Variants in ROBO2 observed in about 807,000 individuals in gnomAD.
The protein encoded by ROBO2 is roundabout homolog 2.
A neutral mutation model predicts 160.8 loss-of-function variants in ROBO2; 53 were observed. The observed-to-expected ratio is 0.33, with a 90% CI of 0.26 to 0.41. ROBO2 has a LOEUF of 0.41. Among genes scored for constraint, ROBO2 ranks in the 10% least tolerant of loss-of-function variants. The probability of loss-of-function intolerance (pLI) is 1.00; values close to 1 mark genes in which losing one functional copy is unlikely to be tolerated. For synonymous variants in ROBO2, 664 were observed against 611.7 expected (o/e 1.09, Z -1.26); for missense variants, 1,577 against 1,722.4 (o/e 0.92, Z 1.49).
chr3:77,613,157 T>G lies in ROBO2; in HGVS notation c.3294-4356T>G, dbSNP rs191754794. On this transcript the variant is annotated intron_variant, in intron 21 of 25. Transcript: ENST00000461745. The stretch of plus-strand genomic sequence containing the variant: ...ATTGAGTACACCAAATTATAACTTT[T>G]CTTATGTTTTCTTAGCACATGATGC... 1.4e-4 allele frequency among the ~76,000 whole-genome samples: 22 copies of G among 152,228 alleles called. No individual in the cohort carries two copies. In the East Asian group the frequency reaches 3.9e-3, roughly 27 times the overall value.
intron 1 of ROBO2, among the ~76,000 whole-genome samples, chr3:77,085,227 G>A (rs1283422258): frequency 1.3e-5 from 2 of 152,040 alleles, no homozygotes; most frequent in Non-Finnish European, 2.9e-5. Flanking sequence ...TAAAACTGGA[G>A]AAAATGTTTT....
intron 2 of ROBO2, among the ~76,000 whole-genome samples, chr3:76,303,602 ACT>A (rs2107748295): frequency 2.1e-5 from 1 of 47,208 alleles, no homozygotes; most frequent in East Asian, 2.8e-4. Flanking sequence ...ATTTTGAACT[ACT>A]CTTCAAAAAA....
At chr3:76,549,278 T>C (rs992049713) in intron 2 of ROBO2, among the ~76,000 whole-genome samples, 1 of 152,318 alleles carries the variant, frequency 6.6e-6, no homozygotes, top group South Asian at 2.1e-4. Context: ...AATGTGAATA[T>C]GAACTCTTTT....
chr3:77,268,508 G>A (rs1192652549), intron 2 of ROBO2, among the ~76,000 whole-genome samples: 1 of 152,150 alleles, frequency 6.6e-6, no homozygotes, highest in Non-Finnish European at 1.5e-5. Flanking sequence ...AAGAGTTTAG[G>A]ACACCAAGAC....
intron 6 of ROBO2, among the ~76,000 whole-genome samples, chr3:77,541,117 A>G (rs1286847426): frequency 6.6e-6 from 1 of 152,210 alleles, no homozygotes; most frequent in Non-Finnish European, 1.5e-5. Context: ...TTCAGGCATA[A>G]AATTATATCC....
intron 22 of ROBO2, among the ~76,000 whole-genome samples, chr3:77,621,722 C>G (rs925336480): frequency 6.6e-6 from 1 of 151,972 alleles, no homozygotes; most frequent in African/African-American, 2.4e-5. Flanking sequence ...TGAGAGAGAT[C>G]GTGTGGGGAG....
intron 2 of ROBO2, among the ~76,000 whole-genome samples, chr3:77,284,506 T>A (rs62249726): frequency 0.014 from 2,154 of 152,296 alleles, 24 homozygotes; most frequent in Middle Eastern, 0.031. Flanking sequence ...TCAACATCAC[T>A]GTCATTTTCT....
intron 2 of ROBO2, among the ~76,000 whole-genome samples, chr3:76,076,752 C>T (rs919694548): frequency 6.6e-6 from 1 of 152,182 alleles, no homozygotes; most frequent in South Asian, 2.1e-4. Flanking sequence ...GAAGTGCTGT[C>T]TTCCAAAAGA....
intron 2 of ROBO2, among the ~76,000 whole-genome samples, chr3:77,402,398 TATTCTGCACGTGTGTC>T (rs913430716): frequency 4.6e-5 from 7 of 152,034 alleles, no homozygotes; most frequent in Non-Finnish European, 1.0e-4. Context: ...CAAAACTGCA[TATTCTGCACGTGTGTC>T]CCAGAACTTA....
At chr3:75,935,062 C>G (rs1353307524) in intron 1 of ROBO2, among the ~76,000 whole-genome samples, 2 of 152,092 alleles carry the variant, frequency 1.3e-5, no homozygotes, top group Non-Finnish European at 2.9e-5. Flanking sequence ...GGCACGGTGG[C>G]TCGTGCCTGA....
chr3:77,289,198 T>C (rs2060857176), intron 2 of ROBO2, among the ~76,000 whole-genome samples: 1 of 152,188 alleles, frequency 6.6e-6, no homozygotes, highest in East Asian at 1.9e-4. Context: ...AGGTGCTTGA[T>C]ACTCTGAGAT....
chr3:76,002,679 AC>A (rs2065921111), intron 2 of ROBO2, among the ~76,000 whole-genome samples: 1 of 152,132 alleles, frequency 6.6e-6, no homozygotes, highest in Non-Finnish European at 1.5e-5. Flanking sequence ...TGTATAAATT[AC>A]CCAGTCTCCA....
intron 2 of ROBO2, among the ~76,000 whole-genome samples, chr3:76,732,996 G>GC (rs1019700278): frequency 5.9e-4 from 83 of 140,666 alleles, no homozygotes; most frequent in African/African-American, 2.0e-3. Context: ...ACTGGGGGTG[G>GC]GGGGGGGAGG....
At chr3:76,571,868 A>G (rs941717585) in intron 2 of ROBO2, among the ~76,000 whole-genome samples, 8 of 152,166 alleles carry the variant, frequency 5.3e-5, no homozygotes, top group Admixed American at 1.3e-4. Context: ...TAATGGAAGT[A>G]AATTACTAAA....
At chr3:76,152,942 T>G (rs2072265814) in intron 2 of ROBO2, among the ~76,000 whole-genome samples, 1 of 152,174 alleles carries the variant, frequency 6.6e-6, no homozygotes, top group South Asian at 2.1e-4. Flanking sequence ...TAGATCTGCC[T>G]TCTTCTAAAT....
At chr3:76,992,062 C>T (rs567980930) in intron 2 of ROBO2, among the ~76,000 whole-genome samples, 2 of 151,940 alleles carry the variant, frequency 1.3e-5, no homozygotes, top group South Asian at 2.1e-4. Flanking sequence ...AAATGTATGC[C>T]ACCCAGAACA....
intron 2 of ROBO2, among the ~76,000 whole-genome samples, chr3:77,189,572 C>T (rs1057091949): frequency 6.6e-6 from 1 of 151,776 alleles, no homozygotes; most frequent in Non-Finnish European, 1.5e-5. Context: ...TTCTTGAACA[C>T]CGAGTTTATT....
At chr3:76,542,359 G>A (rs551229415) in intron 2 of ROBO2, among the ~76,000 whole-genome samples, 76 of 152,032 alleles carry the variant, frequency 5.0e-4, no homozygotes, top group Admixed American at 7.2e-4. Flanking sequence ...TTCTCTATCC[G>A]CACCCCATTC....
intron 2 of ROBO2, among the ~76,000 whole-genome samples, chr3:76,108,450 G>A (rs1167480490): frequency 6.6e-6 from 1 of 151,738 alleles, no homozygotes; most frequent in South Asian, 2.1e-4. Flanking sequence ...TCATCACTGT[G>A]ACTCTTATAT....
Sources: gnomAD v4.1 joint callset for allele counts (sites outside exome capture counted in the v4.1 genomes callset) on GRCh38, gnomAD v4.1.1 for gene constraint, MANE v1.5 for transcripts, NCBI Gene and HGNC (gene_info 2026-07-23, HGNC 2026-07-21) for gene names.